Variants in ADCYAP1R1 observed in about 807,000 individuals in gnomAD.
ADCYAP1R1 encodes pituitary adenylate cyclase-activating polypeptide type I receptor.
In ADCYAP1R1, 44 loss-of-function variants were observed where a neutral mutation model predicts 67.6. The ratio of observed to expected loss-of-function variants is 0.65; its 90% CI spans 0.51 to 0.84. The LOEUF is 0.84. ADCYAP1R1 is among the 40% of genes least tolerant of loss of function. ADCYAP1R1 has a pLI of 0.00. For missense variants in ADCYAP1R1, 477 were observed against 587.9 expected (o/e 0.81, Z 1.95); for synonymous variants, 222 against 219.6 (o/e 1.01, Z -0.10).
chr7:31,103,132 G>A, intron 13 of ADCYAP1R1, 105 bp from the exon 14 acceptor site: 1 of 1,495,702 alleles, frequency 6.7e-7, no homozygotes, highest in South Asian at 1.3e-5. Flanking sequence ...ACGGGCCCCA[G>A]CTTGGAGGGA....
intron 9 of ADCYAP1R1, 143 bp downstream of exon 9, chr7:31,085,585 G>A (rs956527272): frequency 5.2e-6 from 5 of 966,894 alleles, no homozygotes; most frequent in South Asian, 1.9e-5. Context: ...CCACCCCCCC[G>A]GTTTATGTGA....
Position 31,064,943 on chromosome 7 carries a change from G to A in ADCYAP1R1, c.157+7G>A, listed in dbSNP as rs1403167637. ...TTCAATGATTCCTCTCCAGGTGAGC[G>A]GGGCGGCAGGGAGCATGCCACGTCC... On this transcript the variant is annotated splice_region_variant and intron_variant, in intron 3 of 15. Transcript: ENST00000304166. The A allele has an allele frequency of 1.3e-6, 2 of 1,595,524 alleles. No individual in the cohort carries two copies. The highest frequency in any genetic ancestry group is 2.3e-5 in the East Asian group (1 of 44,362).
At chr7:31,071,355 G>A (rs1794970678) in intron 3 of ADCYAP1R1, among the ~76,000 whole-genome samples, 2 of 152,276 alleles carry the variant, frequency 1.3e-5, no homozygotes, top group South Asian at 2.1e-4. Context: ...GAGAGTGTAC[G>A]CAGCACTCCC....
intron 3 of ADCYAP1R1, among the ~76,000 whole-genome samples, chr7:31,075,697 T>C (rs1562637528): frequency 6.6e-6 from 1 of 151,890 alleles, no homozygotes; most frequent in Non-Finnish European, 1.5e-5. Flanking sequence ...ATGTTAAGGA[T>C]TGAGGGTGCT....
intron 1 of ADCYAP1R1, among the ~76,000 whole-genome samples, chr7:31,060,680 AT>A (rs1794463009): frequency 6.6e-6 from 1 of 151,610 alleles, no homozygotes; most frequent in Non-Finnish European, 1.5e-5. Context: ...ATTTCTGTGT[AT>A]TTGTGTGTGT....
At chr7:31,095,837 A>T (rs1351225784) in intron 13 of ADCYAP1R1, 1 of 688,148 alleles carries the variant, frequency 1.5e-6, no homozygotes, top group South Asian at 1.6e-5. Flanking sequence ...GAAGCACCTG[A>T]TGGGGTCTGG....
chr7:31,082,163 G>T (rs542648938), intron 6 of ADCYAP1R1, among the ~76,000 whole-genome samples: 1 of 152,318 alleles, frequency 6.6e-6, no homozygotes, highest in African/African-American at 2.4e-5. Context: ...GCCTGAGAAT[G>T]TGCTTGTCTC....
At chr7:31,089,376 G>C (rs1346053771) in intron 12 of ADCYAP1R1, among the ~76,000 whole-genome samples, 1 of 147,204 alleles carries the variant, frequency 6.8e-6, no homozygotes, top group African/African-American at 2.5e-5. Flanking sequence ...AGTTTTGGCA[G>C]TTACCCTTCA....
At chr7:31,072,493 C>T (rs562837974) in intron 3 of ADCYAP1R1, among the ~76,000 whole-genome samples, 119 of 152,312 alleles carry the variant, frequency 7.8e-4, no homozygotes, top group African/African-American at 2.6e-3. Flanking sequence ...GCTCTGCTCC[C>T]GACTCTGTCT....
intron 3 of ADCYAP1R1, among the ~76,000 whole-genome samples, chr7:31,075,122 T>C (rs2128623362): frequency 6.6e-6 from 1 of 152,310 alleles, no homozygotes; most frequent in South Asian, 2.1e-4. Context: ...TCTGGACCTG[T>C]CAGCAGCCCT....
intron 13 of ADCYAP1R1, among the ~76,000 whole-genome samples, chr7:31,098,044 G>T (rs1045196569): frequency 4.6e-5 from 7 of 151,964 alleles, no homozygotes; most frequent in Admixed American, 1.3e-4. Flanking sequence ...GGGACTGCAG[G>T]CACCTGCCAC....
At chr7:31,081,120 G>A (rs757753100) in intron 5 of ADCYAP1R1, among the ~76,000 whole-genome samples, 1 of 152,150 alleles carries the variant, frequency 6.6e-6, no homozygotes, top group Non-Finnish European at 1.5e-5. Context: ...CATGTCAGCT[G>A]GACCTTGGGA....
At chr7:31,081,679 C>A in intron 5 of ADCYAP1R1, 34 bp from the exon 6 acceptor site, 1 of 1,562,808 alleles carries the variant, frequency 6.4e-7, no homozygotes, top group African/African-American at 1.4e-5. Flanking sequence ...GTAAGCCAGG[C>A]ATTTTGATAT....
Position 31,109,077 on chromosome 7 carries a change from A to T in ADCYAP1R1, c.*2393A>T, listed in dbSNP as rs968243562. 3 of 152,272 alleles carry T rather than the reference A, an allele frequency of 2.0e-5. No individual in the cohort carries two copies. The highest frequency in any genetic ancestry group is 4.8e-5 in the African/African-American group (2 of 41,466). 9.4% of individuals were successfully genotyped at this position (152,272 alleles called of 1,614,324 possible). On this transcript the variant is annotated 3_prime_UTR_variant, in exon 16 of 16. Coordinates refer to ENST00000304166, the MANE Select transcript of ADCYAP1R1 (RefSeq NM_001118.5). ...GTGGAAGAAGAAACTTTGGCATTAT[A>T]GAGACATCATCACAAAACAGTAAAA...
Position 31,086,464 on chromosome 7 carries a change from C to T in ADCYAP1R1, c.750C>T (p.Tyr250=). 6.2e-7 allele frequency: 1 copy of T among 1,614,222 alleles called. No homozygotes were observed. The stretch of plus-strand genomic sequence containing the variant: ...TCTGGCTGTTCATCGAGGGCCTGTA[C>T]CTCTTCACTCTGCTGGTGGAGACCT... The part of the protein sequence containing the change: ...NYFWLFIEGL[Y]LFTLLVETFF... The change falls in exon 10 of 16, where the codon TAC becomes TAT. Residue 250 remains tyrosine, a synonymous_variant. Transcript: ENST00000304166. This position sits in a 1 kb window ranked among gnomAD's most constrained non-coding sequence, Gnocchi z 5.0.
At chr7:31,079,132 G>C (rs1795406295) in intron 4 of ADCYAP1R1, among the ~76,000 whole-genome samples, 1 of 152,212 alleles carries the variant, frequency 6.6e-6, no homozygotes, top group African/African-American at 2.4e-5. Context: ...CATTGCAGGG[G>C]GTGTCTGAGG....
At chr7:31,078,569 G>A (rs1456748951) in intron 4 of ADCYAP1R1, among the ~76,000 whole-genome samples, 3 of 152,236 alleles carry the variant, frequency 2.0e-5, no homozygotes, top group East Asian at 1.9e-4. Context: ...GGAGAGAGAC[G>A]CACATGTAGA....
Position 31,080,599 on chromosome 7 carries a change from T to C in ADCYAP1R1, c.266-14T>C. Reference sequence around the variant, plus strand: ...CCTCTGACTTTTCTCTCTCTCTCTTTCTCTCTGTTTCAGTCTGGGAGACCG... The same window carrying C: ...CCTCTGACTTTTCTCTCTCTCTCTTCCTCTCTGTTTCAGTCTGGGAGACCG... On this transcript the variant is annotated splice_polypyrimidine_tract_variant and intron_variant, in intron 4 of 15. Coordinates refer to ENST00000304166, the MANE Select transcript of ADCYAP1R1 (RefSeq NM_001118.5). 1 of 1,613,152 alleles carries C rather than the reference T, an allele frequency of 6.2e-7. No homozygotes were observed. The highest frequency in any genetic ancestry group is 2.2e-5 in the East Asian group (1 of 44,870).
intron 1 of ADCYAP1R1, among the ~76,000 whole-genome samples, chr7:31,056,488 C>T (rs1483595117): frequency 6.6e-6 from 1 of 152,080 alleles, no homozygotes; most frequent in Non-Finnish European, 1.5e-5. Context: ...CTGTTTCTTC[C>T]TTTCTCTACT....
Sources: gnomAD v4.1 joint callset for allele counts (sites outside exome capture counted in the v4.1 genomes callset) on GRCh38, gnomAD v4.1.1 for gene constraint, Gnocchi (gnomAD v3.1) non-coding constraint, MANE v1.5 for transcripts, NCBI Gene and HGNC (gene_info 2026-07-23, HGNC 2026-07-21) for gene names.